BORCS5: variants seen among roughly 807,000 people sequenced by gnomAD.
BORCS5 encodes the protein BLOC-1-related complex subunit 5.
A neutral mutation model predicts 22.1 loss-of-function variants in BORCS5; 17 were observed. The ratio of observed to expected loss-of-function variants is 0.77; its 90% confidence interval spans 0.53 to 1.15. The LOEUF (loss-of-function observed/expected upper bound fraction) is 1.15. Among genes scored for constraint, BORCS5 ranks in the 50% most tolerant of loss-of-function variants. The probability of loss-of-function intolerance (pLI) is 0.00; values close to 1 mark genes in which losing one functional copy is unlikely to be tolerated. For synonymous variants in BORCS5, 117 were observed against 99.8 expected (o/e 1.17, Z -1.03); for missense variants, 247 against 253.2 (o/e 0.98, Z 0.17).
chr12:12,435,249 T>G (rs1386531622), intron 2 of BORCS5, among the ~76,000 whole-genome samples: 1 of 152,246 alleles, frequency 6.6e-6, no homozygotes, highest in Non-Finnish European at 1.5e-5. Context: ...GGGATTTATA[T>G]TCCTAGTACC....
At chr12:12,395,567 G>A (rs1382216444) in intron 2 of BORCS5, among the ~76,000 whole-genome samples, 6 of 151,642 alleles carry the variant, frequency 4.0e-5, no homozygotes, top group African/African-American at 1.5e-4. Flanking sequence ...GATTACAGGG[G>A]TGAGCTACCA....
At chr12:12,465,002 C>T (rs1166041174) in intron 3 of BORCS5, among the ~76,000 whole-genome samples, 1 of 152,112 alleles carries the variant, frequency 6.6e-6, no homozygotes, top group African/African-American at 2.4e-5. Flanking sequence ...AACAGGGTCT[C>T]ACTGTGTCGC....
At chr12:12,411,657 G>A (rs1176286578) in intron 2 of BORCS5, among the ~76,000 whole-genome samples, 1 of 152,012 alleles carries the variant, frequency 6.6e-6, no homozygotes, top group African/African-American at 2.4e-5. Flanking sequence ...TGCCTTTGGT[G>A]TCATACTTAA....
intron 2 of BORCS5, 152 bp downstream of exon 2, chr12:12,361,501 C>G: frequency 1.1e-6 from 1 of 877,186 alleles, no homozygotes; most frequent in South Asian, 1.9e-5. Flanking sequence ...TCTTGATTTC[C>G]TTAATTAAAA....
intron 2 of BORCS5, among the ~76,000 whole-genome samples, chr12:12,431,599 A>C (rs1942427934): frequency 6.6e-6 from 1 of 151,762 alleles, no homozygotes; most frequent in Non-Finnish European, 1.5e-5. Context: ...ACGGGGTTTC[A>C]CCATGTTGGC....
chr12:12,392,394 G>A (rs1941217354), intron 2 of BORCS5, among the ~76,000 whole-genome samples: 1 of 152,046 alleles, frequency 6.6e-6, no homozygotes, highest in African/African-American at 2.4e-5. Flanking sequence ...ATGAATTGCA[G>A]GAATTTATTC....
At chr12:12,379,211 C>T (rs1863723368) in intron 2 of BORCS5, among the ~76,000 whole-genome samples, 1 of 150,538 alleles carries the variant, frequency 6.6e-6, no homozygotes, top group Non-Finnish European at 1.5e-5. Flanking sequence ...ACCTCTGCCT[C>T]CCGGGTTCAA....
intron 1 of BORCS5, 62 bp downstream of exon 1, chr12:12,357,571 C>T: frequency 6.5e-7 from 1 of 1,549,738 alleles, no homozygotes; most frequent in South Asian, 1.1e-5. Context: ...AGCGGGCTGC[C>T]TCCCAGACTA....
intron 3 of BORCS5, among the ~76,000 whole-genome samples, chr12:12,458,432 C>G (rs1943038112): frequency 6.6e-6 from 1 of 152,086 alleles, no homozygotes; most frequent in Admixed American, 6.5e-5. Context: ...TATATTCATT[C>G]TGGATGTAAG....
At chr12:12,362,155 A>T (rs979788647) in intron 2 of BORCS5, among the ~76,000 whole-genome samples, 1 of 152,194 alleles carries the variant, frequency 6.6e-6, no homozygotes, top group Non-Finnish European at 1.5e-5. Flanking sequence ...CTCCTCATAC[A>T]CATATCATCC....
At chr12:12,377,151 G>A (rs1460894709) in intron 2 of BORCS5, among the ~76,000 whole-genome samples, 13 of 150,848 alleles carry the variant, frequency 8.6e-5, no homozygotes, top group Non-Finnish European at 1.5e-5. Flanking sequence ...CACACCTCAG[G>A]TTTCTCAAGA....
rs376861009 is a variant in BORCS5, at chr12:12,388,289, A to G, written c.202+26940A>G. On this transcript the variant is annotated intron_variant, in intron 2 of 3. Coordinates refer to ENST00000314565, the MANE Select transcript of BORCS5 (RefSeq NM_058169.6). Reference sequence around the variant, plus strand: ...CATCCTAAGACCACACTTCCCAAACATATGGTAGCAGTGACCAGAGACATA... The same window carrying G: ...CATCCTAAGACCACACTTCCCAAACGTATGGTAGCAGTGACCAGAGACATA... 3.3e-5 allele frequency among the ~76,000 whole-genome samples: 5 copies of G among 151,416 alleles called. 1 individual carries two copies. Among genetic ancestry groups the G allele is most frequent in the Admixed American group, 2.0e-4 (3 of 15,210 alleles).
chr12:12,406,746 C>G lies in BORCS5; in HGVS notation c.203-28882C>G, dbSNP rs1941605110. Among the ~76,000 whole-genome samples, 3 of 151,936 alleles carry G rather than the reference C, an allele frequency of 2.0e-5. No homozygotes were observed. The South Asian group carries it at 6.2e-4, about 32-fold the overall frequency. On this transcript the variant is annotated intron_variant, in intron 2 of 3. Transcript: ENST00000314565. Reference sequence around the variant, plus strand: ...GTCTTGGTGCGCCTTGCAAAGCCTACATTTCTAACCTGTGTATACTTCAAA... The same window carrying G: ...GTCTTGGTGCGCCTTGCAAAGCCTAGATTTCTAACCTGTGTATACTTCAAA...
chr12:12,465,805 G>A lies in BORCS5; in HGVS notation c.*29G>A. On this transcript the variant is annotated 3_prime_UTR_variant, in exon 4 of 4. Coordinates refer to ENST00000314565, the MANE Select transcript of BORCS5 (RefSeq NM_058169.6). ...CTGCCCGGCCTGCCTGGGGCTGGGA[G>A]CCCCAGACACCGACACCCTGAGGAC... 1 of 1,585,772 alleles carries A rather than the reference G, an allele frequency of 6.3e-7. No individual in the cohort carries two copies. Among genetic ancestry groups the A allele is most frequent in the African/African-American group, 1.3e-5 (1 of 74,566 alleles).
chr12:12,451,465 T>C (rs1292384976), intron 3 of BORCS5, among the ~76,000 whole-genome samples: 2 of 149,150 alleles, frequency 1.3e-5, no homozygotes, highest in Non-Finnish European at 3.0e-5. Context: ...TCAAACACTT[T>C]TTAAAACACT....
chr12:12,423,824 G>A (rs1417639758), intron 2 of BORCS5, among the ~76,000 whole-genome samples: 2 of 152,014 alleles, frequency 1.3e-5, no homozygotes, highest in African/African-American at 4.8e-5. Context: ...AAGTAGCTGG[G>A]ACTACAGGCA....
At chr12:12,391,112 CTTGTT>C (rs1397712209) in intron 2 of BORCS5, among the ~76,000 whole-genome samples, 5 of 151,990 alleles carry the variant, frequency 3.3e-5, no homozygotes, top group Non-Finnish European at 2.9e-5. Context: ...TCCAGTCAGT[CTTGTT>C]TTGTCACACT....
At chr12:12,417,234 T>C (rs1041144145) in intron 2 of BORCS5, among the ~76,000 whole-genome samples, 4 of 152,234 alleles carry the variant, frequency 2.6e-5, no homozygotes, top group Non-Finnish European at 4.4e-5. Context: ...TTGGTTGTTT[T>C]AGTATGTTCT....
At chr12:12,447,492 G>C (rs1326232117) in intron 3 of BORCS5, among the ~76,000 whole-genome samples, 1 of 152,164 alleles carries the variant, frequency 6.6e-6, no homozygotes, top group Non-Finnish European at 1.5e-5. Context: ...TCTAGATCAG[G>C]CTCCAGCCTG....
Sources: gnomAD v4.1 joint callset for allele counts (sites outside exome capture counted in the v4.1 genomes callset) on GRCh38, gnomAD v4.1.1 for gene constraint, MANE v1.5 for transcripts, NCBI Gene and HGNC (gene_info 2026-07-23, HGNC 2026-07-21) for gene names.